The following NFIB variants were observed in gnomAD, a reference collection of about 807,000 sequenced individuals.
NFIB encodes nuclear factor I B.
NFIB carries 11 observed loss-of-function variants against 61.5 expected under a neutral mutation model. The observed-to-expected ratio is 0.18, with a 90% CI of 0.11 to 0.30. The LOEUF is 0.30. Ranked by LOEUF, NFIB falls within the 10% of genes least tolerant of loss-of-function variation. The pLI, the probability that NFIB is intolerant of heterozygous loss-of-function variation, is 1.00. For synonymous variants in NFIB, 260 were observed against 216.5 expected, an observed-to-expected ratio of 1.20 and a Z score of -1.76; for missense variants, 471 against 608.9, an observed-to-expected ratio of 0.77 and a Z score of 2.38.
At chr9:14,339,748 T>C (rs2060928405) in intron 1 of NFIB, among the ~76,000 whole-genome samples, 1 of 152,236 alleles carries the variant, frequency 6.6e-6, no homozygotes, top group Admixed American at 6.5e-5. Flanking sequence ...TTACCACTAC[T>C]CCATTCTCTT....
rs148906284 is a variant in NFIB, at chr9:14,268,389, T to A, written c.562+38600A>T. ...GCAACCCTACTCTTTCAGCCTAGTC[T>A]CTTACAACTCTCCTCCACTTCGCCT... On this transcript the variant is annotated intron_variant, in intron 2 of 10. Transcript: ENST00000380953. Among the ~76,000 whole-genome samples, 353 of 152,246 alleles carry A rather than the reference T, an allele frequency of 2.3e-3. 1 individual carries two copies. The highest frequency in any genetic ancestry group is 7.1e-3 in the African/African-American group (295 of 41,548).
chr9:14,374,802 C>A lies in NFIB; in HGVS notation c.108+23722G>T, dbSNP rs1206098305. 2.6e-5 allele frequency among the ~76,000 whole-genome samples: 4 copies of A among 152,034 alleles called. No homozygotes were observed. In the East Asian group the frequency reaches 7.7e-4, roughly 29 times the overall value. On this transcript the variant is annotated intron_variant, in intron 1 of 8. Transcript: ENST00000380934. ...GCATGTGCTTGTAGATCCAGTTACT[C>A]AGGAAGCTGAGGCAGGAAAATCACT...
At chr9:14,273,354 G>C (rs1452299048) in intron 2 of NFIB, among the ~76,000 whole-genome samples, 1 of 152,092 alleles carries the variant, frequency 6.6e-6, no homozygotes, top group Non-Finnish European at 1.5e-5. Context: ...CGGGGCTGTG[G>C]GGAGTTAATG....
At chr9:14,280,802 G>C (rs533084223) in intron 2 of NFIB, among the ~76,000 whole-genome samples, 1 of 152,112 alleles carries the variant, frequency 6.6e-6, no homozygotes, top group African/African-American at 2.4e-5. Flanking sequence ...GAATCCTCAG[G>C]TATAGAAGGT....
intron 10 of NFIB, among the ~76,000 whole-genome samples, chr9:14,106,902 A>G (rs951520759): frequency 6.6e-6 from 1 of 152,138 alleles, no homozygotes; most frequent in African/African-American, 2.4e-5. Context: ...CGATGACAAC[A>G]AATCTCAACT....
At chr9:14,182,732 G>A (rs1204487975) in intron 2 of NFIB, among the ~76,000 whole-genome samples, 1 of 150,206 alleles carries the variant, frequency 6.7e-6, no homozygotes, top group South Asian at 2.1e-4. Flanking sequence ...GTGTGTGTGT[G>A]TGTGTGTGTG....
the NFIB span, among the ~76,000 whole-genome samples, chr9:14,487,922 G>A: frequency 3.3e-5 from 5 of 152,170 alleles, no homozygotes; most frequent in African/African-American, 1.2e-4. Context: ...CTCAGGTCCT[G>A]TGAAATGGGT....
intron 2 of NFIB, among the ~76,000 whole-genome samples, chr9:14,248,631 T>A (rs2055215043): frequency 6.6e-6 from 1 of 152,144 alleles, no homozygotes; most frequent in South Asian, 2.1e-4. Flanking sequence ...CTTCCCCACT[T>A]TCTGAGATCA....
At chr9:14,332,330 CAAAA>C (rs5896627) in intron 1 of NFIB, among the ~76,000 whole-genome samples, 15 of 108,068 alleles carry the variant, frequency 1.4e-4, no homozygotes, top group African/African-American at 2.6e-4. Flanking sequence ...GAGACTCCGT[CAAAA>C]AAAAAAAAAA....
intron 7 of NFIB, among the ~76,000 whole-genome samples, chr9:14,125,359 T>C (rs1318254936): frequency 1.3e-5 from 2 of 152,154 alleles, no homozygotes; most frequent in Non-Finnish European, 2.9e-5. Flanking sequence ...GGTTCCACCA[T>C]GTTGGTCAGG....
At chr9:14,469,173 G>A in the NFIB span, among the ~76,000 whole-genome samples, 1 of 152,154 alleles carries the variant, frequency 6.6e-6, no homozygotes, top group African/African-American at 2.4e-5. Context: ...AACACATTGG[G>A]ATTGGGGGAC....
chr9:14,427,115 T>C, the NFIB span, among the ~76,000 whole-genome samples: 3 of 152,214 alleles, frequency 2.0e-5, no homozygotes, highest in Non-Finnish European at 2.9e-5. Flanking sequence ...CTTGTAGCTT[T>C]CTTTTTCATA....
At chr9:14,188,424 G>T in intron 2 of NFIB, among the ~76,000 whole-genome samples, 1 of 152,170 alleles carries the variant, frequency 6.6e-6, no homozygotes, top group East Asian at 1.9e-4. Flanking sequence ...GAGGAGGGAA[G>T]AGTTTTATGG....
chr9:14,112,962 G>T (rs753033748), intron 10 of NFIB, 37 bp downstream of exon 10: 3 of 1,541,926 alleles, frequency 1.9e-6, no homozygotes, highest in Non-Finnish European at 1.8e-6. Context: ...AAGCGAAAGC[G>T]TGGCTACACC....
the NFIB span, among the ~76,000 whole-genome samples, chr9:14,430,094 G>A: frequency 1.3e-5 from 2 of 152,192 alleles, no homozygotes; most frequent in Admixed American, 1.3e-4. Context: ...AGATTAAGAA[G>A]ATAACTCTGA....
chr9:14,264,796 G>A (rs2057065068), intron 2 of NFIB, among the ~76,000 whole-genome samples: 1 of 152,128 alleles, frequency 6.6e-6, no homozygotes, highest in African/African-American at 2.4e-5. Flanking sequence ...TAAGGAACTT[G>A]AAAGGAAATC....
At chr9:14,155,560 G>C (rs1443980695) in intron 4 of NFIB, among the ~76,000 whole-genome samples, 1 of 152,124 alleles carries the variant, frequency 6.6e-6, no homozygotes, top group African/African-American at 2.4e-5. Context: ...TGGTCATGCA[G>C]AGAACAGTGA....
chr9:14,357,791 T>C (rs1471533275), intron 1 of NFIB: 1 of 152,208 alleles, frequency 6.6e-6, no homozygotes, highest in Non-Finnish European at 1.5e-5. Flanking sequence ...ATACGTGTAA[T>C]GGAATGCTAT....
chr9:14,255,429 A>T (rs563565432), intron 2 of NFIB, among the ~76,000 whole-genome samples: 10 of 152,194 alleles, frequency 6.6e-5, no homozygotes, highest in Non-Finnish European at 1.2e-4. Flanking sequence ...TGAGCATCTG[A>T]CTTTACCTTG....
Sources: allele counts gnomAD v4.1 joint callset (sites outside exome capture counted in the v4.1 genomes callset), GRCh38; gene constraint gnomAD v4.1.1; transcripts MANE v1.5; gene names NCBI Gene and HGNC (gene_info 2026-07-23, HGNC 2026-07-21).